The following CDC25C variants were observed in gnomAD, a reference collection of about 807,000 sequenced individuals.
CDC25C encodes the protein cell division cycle 25C.
Under a neutral mutation model 52.5 loss-of-function variants are expected in CDC25C, and 48 were observed. The ratio of observed to expected loss-of-function variants is 0.91; its 90% confidence interval spans 0.72 to 1.16. The LOEUF (loss-of-function observed/expected upper bound fraction) is 1.16, where lower values mean the gene tolerates loss of function less well. Among genes scored for constraint, CDC25C ranks in the 50% most tolerant of loss-of-function variants. CDC25C has a pLI of 0.00. For missense variants in CDC25C, 510 were observed against 566.1 expected, an observed-to-expected ratio of 0.90 and a Z score of 1.01; for synonymous variants, 187 against 206.5, an observed-to-expected ratio of 0.91 and a Z score of 0.81.
At chr5:138,321,764 A>C (rs982623794) in intron 6 of CDC25C, among the ~76,000 whole-genome samples, 1 of 140,040 alleles carries the variant, frequency 7.1e-6, no homozygotes, top group Non-Finnish European at 1.6e-5. Context: ...AAAAAAAAAA[A>C]AAAAAAAAAA....
At chr5:138,322,468 T>A (rs1156331880) in intron 6 of CDC25C, among the ~76,000 whole-genome samples, 1 of 92,914 alleles carries the variant, frequency 1.1e-5, no homozygotes, top group Non-Finnish European at 2.3e-5. Context: ...CCCGGCTAAT[T>A]TTTTTTTTTT....
intron 7 of CDC25C, among the ~76,000 whole-genome samples, chr5:138,307,490 C>CAAAAAAAAAAAAA (rs57593237): frequency 1.8e-4 from 16 of 88,212 alleles, no homozygotes; most frequent in South Asian, 8.7e-4. Context: ...GAGACTGCCA[C>CAAAAAAAAAAAAA]AAAAAAAAAA....
At chr5:138,296,738 T>A (rs1248019492) in intron 7 of CDC25C, among the ~76,000 whole-genome samples, 1 of 150,652 alleles carries the variant, frequency 6.6e-6, no homozygotes, top group East Asian at 1.9e-4. Context: ...CCAGAGTAGC[T>A]GGGACTACAG....
Position 138,286,615 on chromosome 5 carries a change from A to G in CDC25C, c.1042T>C (p.Tyr348His), listed in dbSNP as rs1463488080. 10 of 1,613,276 alleles carry G rather than the reference A, an allele frequency of 6.2e-6. No homozygotes were observed. Among genetic ancestry groups the G allele is most frequent in the Middle Eastern group, 1.7e-4 (1 of 6,054 alleles). The change falls in exon 12 of 14, where the codon TAT (tyrosine) becomes CAT (histidine). Residue 348 changes from tyrosine to histidine, a missense_variant. Transcript: ENST00000323760. Reference protein sequence around the residue: ...GGHIQGALNLYSQEELFNFFL... With the variant: ...GGHIQGALNLHSQEELFNFFL... ...AAGTTAAACAGTTCTTCCTGACTAT[A>G]TAAGTTTAAGGCTCCCTGTAGAAGA... is the stretch of plus-strand genomic sequence containing the variant.
chr5:138,329,576 G>T lies in CDC25C; in HGVS notation c.266C>A (p.Thr89Asn). The change falls in exon 3 of 14, where the codon ACT (threonine) becomes AAT (asparagine). Residue 89 changes from threonine (T) to asparagine (N), a missense_variant. Physicochemically the swap from Thr to Asn is moderately conservative, Grantham distance 65. Coordinates refer to ENST00000323760, the MANE Select transcript of CDC25C (RefSeq NM_001790.5). ...SGEITATQLT[T>N]SADLDETGHL... is the part of the protein sequence containing the mutation. ...ACCAGTTTCATCAAGGTCTGCAGAA[G>T]TGGTAAGCTGAGTGGCAGTTATCTC... is the stretch of plus-strand genomic sequence containing the variant. 6.2e-7 allele frequency: 1 copy of T among 1,611,886 alleles called. No homozygotes were observed. Among genetic ancestry groups the T allele is most frequent in the Non-Finnish European group, 8.5e-7 (1 of 1,178,088 alleles).
chr5:138,288,063 G>A (rs770327718), intron 10 of CDC25C, among the ~76,000 whole-genome samples: 2 of 151,856 alleles, frequency 1.3e-5, no homozygotes, highest in Non-Finnish European at 1.5e-5. Flanking sequence ...AATACTATAC[G>A]TTCATCATGA....
At chr5:138,316,133 C>T (rs1411459002) in intron 7 of CDC25C, among the ~76,000 whole-genome samples, 2 of 152,336 alleles carry the variant, frequency 1.3e-5, no homozygotes, top group East Asian at 3.9e-4. Flanking sequence ...GGTGCAGCTG[C>T]AGCTGCCCTC....
At chr5:138,328,774 GTT>G in intron 3 of CDC25C, 2 of 283,870 alleles carry the variant, frequency 7.0e-6, no homozygotes, top group Non-Finnish European at 1.3e-5. Context: ...TACCTATGGA[GTT>G]TTTTTTTTTC....
At chr5:138,298,009 T>C (rs1308919758) in intron 7 of CDC25C, among the ~76,000 whole-genome samples, 10 of 151,860 alleles carry the variant, frequency 6.6e-5, no homozygotes, top group Non-Finnish European at 1.5e-4. Flanking sequence ...CCTTTTTTTT[T>C]TTTTCTTGAG....
chr5:138,291,671 G>A (rs893289642), intron 8 of CDC25C, among the ~76,000 whole-genome samples: 8 of 151,636 alleles, frequency 5.3e-5, no homozygotes, highest in African/African-American at 1.5e-4. Context: ...CGCCCGCCTC[G>A]GCCTCCCAAA....
At chr5:138,333,053 C>T (rs1013838809), upstream of CDC25C, among the ~76,000 whole-genome samples, 1 of 152,098 alleles carries the variant, frequency 6.6e-6, no homozygotes, top group Non-Finnish European at 1.5e-5. Context: ...GTTGCGGTTG[C>T]GGCCCAAGAT....
intron 7 of CDC25C, among the ~76,000 whole-genome samples, chr5:138,300,589 G>C (rs990700208): frequency 1.3e-5 from 2 of 151,834 alleles, no homozygotes; most frequent in Non-Finnish European, 2.9e-5. Flanking sequence ...TAGATTAATA[G>C]ACAGAAAACT....
At chr5:138,289,923 G>A (rs1756571892) in intron 9 of CDC25C, among the ~76,000 whole-genome samples, 1 of 151,934 alleles carries the variant, frequency 6.6e-6, no homozygotes, top group Non-Finnish European at 1.5e-5. Flanking sequence ...AAATGGGCTG[G>A]GCATGGTGGC....
chr5:138,329,724 T>TTA, intron 2 of CDC25C, 77 bp from the exon 3 acceptor site: 10 of 609,554 alleles, frequency 1.6e-5, no homozygotes, highest in East Asian at 6.6e-5. Context: ...TGTCATCCTC[T>TTA]TCTTTTTTTT....
intron 7 of CDC25C, among the ~76,000 whole-genome samples, chr5:138,307,412 A>G (rs2126736187): frequency 1.4e-5 from 2 of 142,090 alleles, no homozygotes; most frequent in East Asian, 4.3e-4. Flanking sequence ...GAATCGCCTG[A>G]GCCCAGGAGG....
At chr5:138,322,991 C>T (rs988640303) in intron 6 of CDC25C, among the ~76,000 whole-genome samples, 1 of 151,350 alleles carries the variant, frequency 6.6e-6, no homozygotes, top group African/African-American at 2.4e-5. Flanking sequence ...GTCACCTGTC[C>T]ATTCACTGCA....
rs1250117764 is a variant in CDC25C, at chr5:138,285,844, G to A, written c.1273-3C>T. 6.2e-7 allele frequency: 1 copy of A among 1,613,902 alleles called. No individual in the cohort carries two copies. Among genetic ancestry groups the A allele is most frequent in the African/African-American group, 1.3e-5 (1 of 75,034 alleles). On this transcript the variant is annotated splice_polypyrimidine_tract_variant and splice_region_variant and intron_variant, in intron 13 of 13. Coordinates refer to ENST00000323760, the MANE Select transcript of CDC25C (RefSeq NM_001790.5). ...TAGCTCTGTGGTTCACACAGTTCCT[G>A]AAAGGTAAGGAACAGAGTAAGGGAT...
At position 138,299,857 on chromosome 5, in the gene CDC25C, C is replaced by G. The variant is rs143869007; in HGVS notation, c.616-7741G>C. On this transcript the variant is annotated intron_variant, in intron 7 of 13. Transcript: ENST00000323760. ...GTTCTTTGAAAAGATCAGCAAAAAT[C>G]GACAAACTTTTAGCCTGAACAATTA... 2.0e-5 allele frequency among the ~76,000 whole-genome samples: 3 copies of G among 151,800 alleles called. No homozygotes were observed. The East Asian group carries it at 5.8e-4, about 29-fold the overall frequency.
chr5:138,290,846 A>C (rs1168351838), intron 8 of CDC25C, 106 bp from the exon 9 acceptor site: 12 of 709,222 alleles, frequency 1.7e-5, no homozygotes, highest in Non-Finnish European at 7.6e-6. Context: ...TCCTAGCTAC[A>C]TGGGAGGCTG....
Sources: gnomAD v4.1 joint callset for allele counts (sites outside exome capture counted in the v4.1 genomes callset) on GRCh38, gnomAD v4.1.1 for gene constraint, MANE v1.5 for transcripts, NCBI Gene and HGNC (gene_info 2026-07-23, HGNC 2026-07-21) for gene names.